The following UGGT2 variants were observed in gnomAD, a reference collection of about 807,000 sequenced individuals.
UGGT2 encodes the protein UDP-glucose:glycoprotein glucosyltransferase 2.
UGGT2 carries 180 observed loss-of-function variants against 192.1 expected under a neutral mutation model. The ratio of observed to expected loss-of-function variants is 0.94; its 90% CI spans 0.83 to 1.06. UGGT2 has a LOEUF of 1.06. Among genes scored for constraint, UGGT2 ranks in the 50% least tolerant of loss-of-function variants. The pLI is 0.00. For missense variants in UGGT2, 1,849 were observed against 1,795.7 expected, an observed-to-expected ratio of 1.03 and a Z score of -0.54; for synonymous variants, 580 against 591.0, an observed-to-expected ratio of 0.98 and a Z score of 0.27.
intron 20 of UGGT2, 136 bp from the exon 21 acceptor site, chr13:95,903,196 G>A (rs1594277161): frequency 1.4e-6 from 1 of 738,056 alleles, no homozygotes. Context: ...CATGTTTACT[G>A]TACTAAATGT....
At position 96,029,718 on chromosome 13, in the gene UGGT2, T is replaced by C. The variant is rs147957172; in HGVS notation, c.241+2171A>G. On this transcript the variant is annotated intron_variant, in intron 2 of 38. Coordinates refer to ENST00000376747, the MANE Select transcript of UGGT2 (RefSeq NM_020121.4). ...AGCTTGTGAATGATCTGCCACCAGA[T>C]TGTCCAGGTATATCATTTCATTTAG... is the stretch of plus-strand genomic sequence containing the variant. Among the ~76,000 whole-genome samples the C allele has an allele frequency of 9.8e-5, 15 of 152,348 alleles. No individual in the cohort carries two copies. In the East Asian group the frequency reaches 2.5e-3, roughly 25 times the overall value.
chr13:96,002,572 A>C (rs1594549339), intron 5 of UGGT2, among the ~76,000 whole-genome samples: 1 of 152,308 alleles, frequency 6.6e-6, no homozygotes, highest in East Asian at 1.9e-4. Context: ...CTGTACACAC[A>C]CCCACACTTT....
At chr13:95,856,632 G>A (rs1297889201) in intron 33 of UGGT2, 2 of 423,058 alleles carry the variant, frequency 4.7e-6, no homozygotes, top group Admixed American at 3.8e-5. Flanking sequence ...TACTTTTATT[G>A]TTAACATCTG....
At chr13:95,973,162 C>A (rs1395409060) in intron 10 of UGGT2, among the ~76,000 whole-genome samples, 1 of 151,866 alleles carries the variant, frequency 6.6e-6, no homozygotes, top group South Asian at 2.1e-4. Context: ...AAGAACGAAA[C>A]TCCATCTCAA....
intron 37 of UGGT2, among the ~76,000 whole-genome samples, chr13:95,834,345 G>A (rs1029054956): frequency 4.0e-5 from 6 of 151,888 alleles, no homozygotes; most frequent in Admixed American, 6.6e-5. Flanking sequence ...TGTGATGGCC[G>A]GGGAGTGGTG....
At chr13:95,931,419 C>A (rs1445922281) in intron 17 of UGGT2, among the ~76,000 whole-genome samples, 2 of 152,208 alleles carry the variant, frequency 1.3e-5, no homozygotes, top group Admixed American at 1.3e-4. Context: ...CTGCCCGCCA[C>A]TCCCGCACCT....
chr13:96,010,877 AG>A (rs1369081182), intron 5 of UGGT2, among the ~76,000 whole-genome samples: 1 of 152,240 alleles, frequency 6.6e-6, no homozygotes, highest in Non-Finnish European at 1.5e-5. Flanking sequence ...AAGGCTATCA[AG>A]GTAAAGTAAT....
intron 20 of UGGT2, among the ~76,000 whole-genome samples, chr13:95,920,036 G>A (rs189814721): frequency 6.6e-6 from 1 of 152,260 alleles, no homozygotes; most frequent in East Asian, 1.9e-4. Flanking sequence ...AGAGAACTCA[G>A]AAATAAGATC....
intron 4 of UGGT2, among the ~76,000 whole-genome samples, chr13:96,022,709 ATTACT>A (rs528274183): frequency 6.6e-6 from 1 of 151,928 alleles, no homozygotes; most frequent in African/African-American, 2.4e-5. Flanking sequence ...TATTGTTTTG[ATTACT>A]TTGTTATTCC....
chr13:95,920,891 C>T (rs1391993076), intron 20 of UGGT2, among the ~76,000 whole-genome samples: 2 of 152,048 alleles, frequency 1.3e-5, no homozygotes, highest in Non-Finnish European at 2.9e-5. Context: ...GATACAGGAA[C>T]GTGTATGTTC....
At chr13:95,896,004 T>C (rs2047934146) in intron 22 of UGGT2, among the ~76,000 whole-genome samples, 1 of 152,048 alleles carries the variant, frequency 6.6e-6, no homozygotes, top group South Asian at 2.1e-4. Context: ...CAACCACTAC[T>C]GACTCTACTA....
chr13:95,903,904 G>A (rs920255374), intron 20 of UGGT2, among the ~76,000 whole-genome samples: 1 of 152,028 alleles, frequency 6.6e-6, no homozygotes, highest in Admixed American at 6.6e-5. Flanking sequence ...AATCATTCTC[G>A]TACATATGTA....
chr13:95,834,583 T>C (rs138355677), intron 37 of UGGT2, among the ~76,000 whole-genome samples: 221 of 152,308 alleles, frequency 1.5e-3, no homozygotes, highest in Admixed American at 3.1e-3. Flanking sequence ...GGCCATTTCC[T>C]TGGGAATTTT....
intron 20 of UGGT2, among the ~76,000 whole-genome samples, chr13:95,913,592 TG>T (rs1434313238): frequency 1.3e-5 from 2 of 152,178 alleles, no homozygotes; most frequent in Non-Finnish European, 2.9e-5. Context: ...AAACAACAGA[TG>T]CTGGAGAGGA....
chr13:95,983,861 A>C lies in UGGT2; in HGVS notation c.1035T>G (p.Ser345=), dbSNP rs992282571. ...ISQNFPIKAR[S]LTRIAVNQHM... ...GTTGATTTACAGCAATTCTGGTTAGAGATCTGGAAAAATGAATACTAATAT... is the reference window on the plus strand; with the variant it reads ...GTTGATTTACAGCAATTCTGGTTAGCGATCTGGAAAAATGAATACTAATAT... The change falls in exon 10 of 39, where the codon TCT becomes TCG. Residue 345 remains serine (S), a synonymous_variant. Transcript: ENST00000376747. 7.7e-6 allele frequency: 12 copies of C among 1,556,562 alleles called. No individual in the cohort carries two copies. Among genetic ancestry groups the C allele is most frequent in the Admixed American group, 1.9e-5 (1 of 51,806 alleles).
chr13:95,986,568 A>G (rs2051296164), intron 8 of UGGT2, 136 bp from the exon 9 acceptor site: 1 of 533,902 alleles, frequency 1.9e-6, no homozygotes. Context: ...TTACATCTGC[A>G]TTTTTAAAAA....
At chr13:96,036,382 A>G (rs2053003681) in intron 1 of UGGT2, among the ~76,000 whole-genome samples, 1 of 152,108 alleles carries the variant, frequency 6.6e-6, no homozygotes, top group East Asian at 1.9e-4. Context: ...GGGGGTAACG[A>G]CACACACTGG....
At chr13:95,916,452 A>G (rs2048684622) in intron 20 of UGGT2, among the ~76,000 whole-genome samples, 1 of 152,224 alleles carries the variant, frequency 6.6e-6, no homozygotes, top group African/African-American at 2.4e-5. Flanking sequence ...GAAAAAATCA[A>G]AGCAAAAATG....
chr13:96,021,028 A>G (rs2052499602), intron 4 of UGGT2, among the ~76,000 whole-genome samples: 1 of 152,226 alleles, frequency 6.6e-6, no homozygotes, highest in African/African-American at 2.4e-5. Context: ...TGGATCCTAC[A>G]GAGTTGGCAT....
Sources: gnomAD v4.1 joint callset for allele counts (sites outside exome capture counted in the v4.1 genomes callset) on GRCh38, gnomAD v4.1.1 for gene constraint, MANE v1.5 for transcripts, NCBI Gene and HGNC (gene_info 2026-07-23, HGNC 2026-07-21) for gene names.